Variants in ROCK2 observed in about 807,000 individuals in gnomAD.
ROCK2 encodes the protein Rho associated coiled-coil containing protein kinase 2.
A neutral mutation model predicts 195.1 loss-of-function variants in ROCK2; 61 were observed. The observed-to-expected ratio is 0.31, with a 90% CI of 0.25 to 0.39. The LOEUF is 0.39. Ranked by LOEUF, ROCK2 falls within the 10% of genes least tolerant of loss-of-function variation. The pLI is 1.00. For missense variants in ROCK2, 1,109 were observed against 1,637.4 expected (o/e 0.68, Z 5.57); for synonymous variants, 504 against 545.5 (o/e 0.92, Z 1.06).
In ROCK2 at chr2:11,197,752, C is replaced by T. The variant is rs557146540; in HGVS notation, c.3100-47G>A. On this transcript the variant is annotated intron_variant, in intron 25 of 32. Transcript: ENST00000315872. The surrounding 1 kb of genome is among the most constrained non-coding windows in gnomAD (Gnocchi z 4.9). Reference sequence around the variant, plus strand: ...TATAATACATAAATAAAATAAATTACGTTTATGGTTTCTCAGTATCTCATC... The same window carrying T: ...TATAATACATAAATAAAATAAATTATGTTTATGGTTTCTCAGTATCTCATC... 1.1e-5 allele frequency: 14 copies of T among 1,293,702 alleles called. No homozygotes were observed. In the South Asian group the frequency reaches 1.3e-4, roughly 12 times the overall value. 80.1% of individuals were successfully genotyped at this position (1,293,702 alleles called of 1,614,324 possible).
Position 11,197,780 on chromosome 2 carries a change from G to A in ROCK2, c.3100-75C>T, listed in dbSNP as rs1404350486. ...TTATGGTTTCTCAGTATCTCATCAA[G>A]AGCAACAAGTTATACAATCACAAAT... On this transcript the variant is annotated intron_variant, in intron 25 of 32. Transcript: ENST00000315872. The surrounding 1 kb of genome is among the most constrained non-coding windows in gnomAD (Gnocchi z 4.9). 9.9e-7 allele frequency: 1 copy of A among 1,012,520 alleles called. No individual in the cohort carries two copies. Among genetic ancestry groups the A allele is most frequent in the Non-Finnish European group, 1.3e-6 (1 of 750,158 alleles). 62.7% of individuals were successfully genotyped at this position (1,012,520 alleles called of 1,614,324 possible).
intron 27 of ROCK2, 152 bp from the exon 28 acceptor site, chr2:11,195,177 C>T (rs1375277730): frequency 4.8e-6 from 2 of 413,528 alleles, no homozygotes; most frequent in Admixed American, 4.2e-5. Context: ...AGTAATAGTA[C>T]AGGATCAGTA....
At chr2:11,244,944 A>G (rs902979002) in intron 4 of ROCK2, among the ~76,000 whole-genome samples, 3 of 152,044 alleles carry the variant, frequency 2.0e-5, no homozygotes, top group Non-Finnish European at 4.4e-5. Flanking sequence ...CCAAGAGCCC[A>G]TGTTTAAATA....
chr2:11,299,161 C>T (rs1420591409), intron 1 of ROCK2, among the ~76,000 whole-genome samples: 5 of 151,598 alleles, frequency 3.3e-5, no homozygotes, highest in Non-Finnish European at 7.4e-5. Context: ...GTAATCCCAG[C>T]TACTCAGGAG....
intron 1 of ROCK2, among the ~76,000 whole-genome samples, chr2:11,317,579 TA>T (rs1558388074): frequency 5.0e-4 from 6 of 12,036 alleles, no homozygotes; most frequent in African/African-American, 1.7e-3. Flanking sequence ...TACACATTTA[TA>T]TATATATATA....
intron 4 of ROCK2, among the ~76,000 whole-genome samples, chr2:11,242,212 TAA>T (rs934517933): frequency 2.0e-5 from 3 of 151,994 alleles, no homozygotes; most frequent in African/African-American, 4.8e-5. Context: ...AGGGAAAAAA[TAA>T]AAGTCAGAAA....
chr2:11,181,353 T>G lies in ROCK2; in HGVS notation c.*2084A>C, dbSNP rs1043698765. The G allele has an allele frequency of 1.3e-5, 2 of 151,524 alleles. No individual in the cohort carries two copies. Among genetic ancestry groups the G allele is most frequent in the Non-Finnish European group, 2.9e-5 (2 of 67,922 alleles). 9.4% of individuals were successfully genotyped at this position (151,524 alleles called of 1,614,324 possible). ...TTATATATTTTTCATTTTTTAATCTTACTTAAAAAAGAGCTATCCCCCAAA... is the reference window on the plus strand; with the variant it reads ...TTATATATTTTTCATTTTTTAATCTGACTTAAAAAAGAGCTATCCCCCAAA... On this transcript the variant is annotated 3_prime_UTR_variant, in exon 33 of 33. Coordinates refer to ENST00000315872, the MANE Select transcript of ROCK2 (RefSeq NM_004850.5).
chr2:11,205,334 T>C (rs1401207489), intron 20 of ROCK2, among the ~76,000 whole-genome samples: 1 of 152,226 alleles, frequency 6.6e-6, no homozygotes, highest in Non-Finnish European at 1.5e-5. Flanking sequence ...CCACTTCATG[T>C]ATACCCCTGG....
At chr2:11,196,431 C>A (rs565761525) in intron 27 of ROCK2, among the ~76,000 whole-genome samples, 1 of 152,172 alleles carries the variant, frequency 6.6e-6, no homozygotes. Context: ...AGCAGTGAAA[C>A]CATGCGCTCT....
At chr2:11,331,041 A>AC (rs1668748236) in intron 1 of ROCK2, among the ~76,000 whole-genome samples, 1 of 99,998 alleles carries the variant, frequency 1.0e-5, no homozygotes, top group Non-Finnish European at 2.2e-5. Flanking sequence ...AGGGAGGAGG[A>AC]GGGAGGAGGA....
In ROCK2 at chr2:11,308,589, C is replaced by T. The variant is rs951715619; in HGVS notation, c.142-20853G>A. On this transcript the variant is annotated intron_variant, in intron 1 of 32. Transcript: ENST00000315872. ...GGGCAGTGCATCAATCCCTATATTACAGTTAGTGTAAAGGATCTGAATGGC... is the reference window on the plus strand; with the variant it reads ...GGGCAGTGCATCAATCCCTATATTATAGTTAGTGTAAAGGATCTGAATGGC... 4.7e-5 allele frequency: 70 copies of T among 1,495,080 alleles called. No homozygotes were observed. The African/African-American group carries it at 8.4e-4, about 18-fold the overall frequency. 92.6% of individuals were successfully genotyped at this position (1,495,080 alleles called of 1,614,324 possible). A position where few individuals can be genotyped will look rare whatever the true frequency, so the allele number is the denominator to read the frequency against.
intron 4 of ROCK2, among the ~76,000 whole-genome samples, chr2:11,245,958 CCT>C (rs1445310110): frequency 6.6e-6 from 1 of 152,016 alleles, no homozygotes. Flanking sequence ...TGAACTGCAC[CCT>C]GAGTAACTTA....
intron 17 of ROCK2, among the ~76,000 whole-genome samples, chr2:11,213,969 T>C (rs968882886): frequency 6.6e-6 from 1 of 152,232 alleles, no homozygotes; most frequent in African/African-American, 2.4e-5. Flanking sequence ...GCTAACTGCA[T>C]AGACTCTAGA....
intron 3 of ROCK2, among the ~76,000 whole-genome samples, chr2:11,262,180 T>C (rs1666250336): frequency 6.6e-6 from 1 of 152,064 alleles, no homozygotes; most frequent in African/African-American, 2.4e-5. Context: ...GATTGCTACA[T>C]CCCTTGTTTT....
intron 1 of ROCK2, among the ~76,000 whole-genome samples, chr2:11,325,408 T>C (rs1479278239): frequency 3.3e-5 from 5 of 152,212 alleles, no homozygotes; most frequent in African/African-American, 1.2e-4. Flanking sequence ...CTAAATACAA[T>C]GCTACAGAAG....
chr2:11,252,802 G>A (rs908107972), intron 3 of ROCK2, among the ~76,000 whole-genome samples: 7 of 152,068 alleles, frequency 4.6e-5, no homozygotes, highest in Non-Finnish European at 7.4e-5. Context: ...TGCCTGTCAC[G>A]GGGTGAGGGG....
intron 3 of ROCK2, among the ~76,000 whole-genome samples, chr2:11,254,550 A>C (rs1195182376): frequency 6.6e-6 from 1 of 152,016 alleles, no homozygotes; most frequent in Non-Finnish European, 1.5e-5. Flanking sequence ...GGTAAAACAT[A>C]AACACTGGAG....
intron 27 of ROCK2, among the ~76,000 whole-genome samples, chr2:11,195,909 T>G (rs148750560): frequency 4.6e-5 from 7 of 152,350 alleles, no homozygotes; most frequent in African/African-American, 1.4e-4. Flanking sequence ...AACATTGTAA[T>G]TCAACTAAGG....
intron 3 of ROCK2, among the ~76,000 whole-genome samples, chr2:11,255,216 CAAAAAA>C (rs70953375): frequency 0.051 from 5,618 of 109,192 alleles, 215 homozygotes; most frequent in Non-Finnish European, 0.068. Flanking sequence ...GACCCCATCT[CAAAAAA>C]AAAAAAAAAA....
Sources: allele counts gnomAD v4.1 joint callset (sites outside exome capture counted in the v4.1 genomes callset), GRCh38; gene constraint gnomAD v4.1.1; non-coding constraint Gnocchi (gnomAD v3.1); transcripts MANE v1.5; gene names NCBI Gene and HGNC (gene_info 2026-07-23, HGNC 2026-07-21).